Variants in SGCD observed in about 807,000 individuals in gnomAD.
The protein encoded by SGCD is delta-sarcoglycan.
In SGCD, 18 loss-of-function variants were observed where a neutral mutation model predicts 36.6. The ratio of observed to expected loss-of-function variants is 0.49; its 90% CI spans 0.34 to 0.73. The LOEUF (loss-of-function observed/expected upper bound fraction) is 0.73. Ranked by LOEUF, SGCD falls within the 30% of genes least tolerant of loss-of-function variation. The probability of loss-of-function intolerance (pLI) is 0.01; values close to 1 mark genes in which losing one functional copy is unlikely to be tolerated. For missense variants in SGCD, 387 were observed against 346.7 expected, an observed-to-expected ratio of 1.12 and a Z score of -0.92; for synonymous variants, 133 against 130.6, an observed-to-expected ratio of 1.02 and a Z score of -0.12.
chr5:156,596,012 G>A (rs7730222), intron 6 of SGCD, among the ~76,000 whole-genome samples: 3,336 of 152,064 alleles, frequency 0.022, 123 homozygotes, highest in African/African-American at 0.076. Context: ...CACTAGTTTT[G>A]TGACTTTGGG....
intron 3 of SGCD, among the ~76,000 whole-genome samples, chr5:156,508,122 T>A (rs1401210631): frequency 9.8e-5 from 15 of 152,302 alleles, no homozygotes; most frequent in Non-Finnish European, 1.3e-4. Flanking sequence ...AAAATATTTT[T>A]AAAAAATATT....
chr5:156,077,316 A>G (rs4582259), intron 1 of SGCD, among the ~76,000 whole-genome samples: 12,772 of 152,102 alleles, frequency 0.084, 1,698 homozygotes, highest in African/African-American at 0.28. Context: ...ATAATCATTT[A>G]CCCATTTCCC....
chr5:156,654,070 C>A (rs1763579271), intron 7 of SGCD, among the ~76,000 whole-genome samples: 1 of 152,046 alleles, frequency 6.6e-6, no homozygotes, highest in Admixed American at 6.6e-5. Flanking sequence ...CACTAAAAAT[C>A]AACTGACAGC....
chr5:156,145,246 A>C (rs112947480), intron 3 of SGCD, among the ~76,000 whole-genome samples: 3 of 152,116 alleles, frequency 2.0e-5, no homozygotes, highest in African/African-American at 7.2e-5. Context: ...TTTCTCTTTC[A>C]TTTCCTACTG....
At chr5:155,795,035 G>A in the SGCD span, among the ~76,000 whole-genome samples, 7 of 152,134 alleles carry the variant, frequency 4.6e-5, no homozygotes, top group African/African-American at 1.7e-4. Context: ...GAAGATAATG[G>A]AATTACCTCT....
chr5:156,105,317 G>A (rs935389206), intron 1 of SGCD, among the ~76,000 whole-genome samples: 2 of 152,154 alleles, frequency 1.3e-5, no homozygotes, highest in African/African-American at 4.8e-5. Flanking sequence ...CAAGTAACCT[G>A]CTGATAATAT....
chr5:156,533,063 C>T (rs544216043), intron 4 of SGCD, among the ~76,000 whole-genome samples: 7 of 152,288 alleles, frequency 4.6e-5, no homozygotes, highest in African/African-American at 1.2e-4. Context: ...ACAGGTTGAT[C>T]TGTGCTGCTT....
At chr5:156,178,608 T>A (rs1242158003) in intron 3 of SGCD, among the ~76,000 whole-genome samples, 1 of 152,230 alleles carries the variant, frequency 6.6e-6, no homozygotes, top group African/African-American at 2.4e-5. Flanking sequence ...AGTTTTCCCC[T>A]TCTATAGAAC....
intron 1 of SGCD, among the ~76,000 whole-genome samples, chr5:155,987,098 G>A (rs1419475029): frequency 6.6e-6 from 1 of 152,170 alleles, no homozygotes. Flanking sequence ...GGACTTGAAT[G>A]ACATTCAAGG....
At chr5:155,883,362 T>G (rs775307128) in intron 1 of SGCD, among the ~76,000 whole-genome samples, 1 of 152,252 alleles carries the variant, frequency 6.6e-6, no homozygotes, top group Non-Finnish European at 1.5e-5. Context: ...TTTGGCTTTC[T>G]ACATGCCTTC....
At chr5:155,815,914 T>C in the SGCD span, among the ~76,000 whole-genome samples, 7 of 152,136 alleles carry the variant, frequency 4.6e-5, no homozygotes, top group Non-Finnish European at 2.9e-5. Context: ...GTTTTGCACA[T>C]TGGAAAACAT....
At chr5:156,515,896 G>A (rs1440781588) in intron 4 of SGCD, among the ~76,000 whole-genome samples, 1 of 152,244 alleles carries the variant, frequency 6.6e-6, no homozygotes, top group Non-Finnish European at 1.5e-5. Context: ...CACAGCAGCT[G>A]TAGCAGATTG....
chr5:156,305,584 C>T (rs1007392683), intron 3 of SGCD, among the ~76,000 whole-genome samples: 2 of 152,128 alleles, frequency 1.3e-5, no homozygotes, highest in Non-Finnish European at 2.9e-5. Flanking sequence ...GGGGTCAGAG[C>T]CCCCACACAG....
At chr5:155,859,159 C>G in the SGCD span, among the ~76,000 whole-genome samples, 2 of 151,908 alleles carry the variant, frequency 1.3e-5, no homozygotes, top group East Asian at 1.9e-4. Flanking sequence ...CCCCCAGACT[C>G]AGGCAATCCT....
At chr5:156,193,190 GA>G (rs1266924172) in intron 3 of SGCD, among the ~76,000 whole-genome samples, 2 of 152,074 alleles carry the variant, frequency 1.3e-5, no homozygotes, top group Non-Finnish European at 2.9e-5. Context: ...TGGTTCTGAA[GA>G]AGAGCAGCTG....
intron 3 of SGCD, among the ~76,000 whole-genome samples, chr5:156,207,092 A>G (rs535932211): frequency 3.4e-4 from 52 of 152,266 alleles, no homozygotes; most frequent in African/African-American, 1.3e-3. Context: ...TTTAGATCAG[A>G]GAAACACCTG....
chr5:156,183,367 A>G (rs1763654958), intron 3 of SGCD, among the ~76,000 whole-genome samples: 1 of 152,206 alleles, frequency 6.6e-6, no homozygotes, highest in Non-Finnish European at 1.5e-5. Flanking sequence ...AGTAATGAAC[A>G]ATATTTACCT....
At chr5:156,083,576 T>C (rs1194381156) in intron 1 of SGCD, among the ~76,000 whole-genome samples, 1 of 150,686 alleles carries the variant, frequency 6.6e-6, no homozygotes, top group African/African-American at 2.5e-5. Context: ...ATTACAGGTA[T>C]GAGCCACTGC....
At chr5:156,705,829 C>T (rs552494608) in intron 7 of SGCD, among the ~76,000 whole-genome samples, 9 of 152,070 alleles carry the variant, frequency 5.9e-5, no homozygotes, top group South Asian at 2.1e-4. Flanking sequence ...CTTCAGAGAA[C>T]GCTAATATTT....
Sources: allele counts gnomAD v4.1 joint callset (sites outside exome capture counted in the v4.1 genomes callset), GRCh38; gene constraint gnomAD v4.1.1; transcripts MANE v1.5; gene names NCBI Gene and HGNC (gene_info 2026-07-23, HGNC 2026-07-21).